The following CHST9 variants were observed in gnomAD, a reference collection of about 807,000 sequenced individuals.
CHST9 encodes carbohydrate sulfotransferase 9, also known as GalNAc-4-sulfotransferase 2.
CHST9 carries 41 observed loss-of-function variants against 44.4 expected under a neutral mutation model. That is an observed-to-expected ratio of 0.92 (90% confidence interval 0.72 to 1.20). The LOEUF is 1.20. Among genes scored for constraint, CHST9 ranks in the 50% most tolerant of loss-of-function variants. CHST9 has a pLI of 0.00. For synonymous variants in CHST9, 171 were observed against 178.4 expected (o/e 0.96, Z 0.33); for missense variants, 504 against 516.5 (o/e 0.98, Z 0.23).
chr18:27,006,919 A>G (rs1037695554), intron 4 of CHST9, among the ~76,000 whole-genome samples: 2 of 152,160 alleles, frequency 1.3e-5, no homozygotes, highest in African/African-American at 4.8e-5. Context: ...AAAGCAGGAG[A>G]GAGCACATAT....
At chr18:26,998,448 G>A (rs2056910522) in intron 4 of CHST9, among the ~76,000 whole-genome samples, 1 of 152,166 alleles carries the variant, frequency 6.6e-6, no homozygotes, top group Non-Finnish European at 1.5e-5. Context: ...AGATTGGGCT[G>A]GGTGCGATGG....
intron 2 of CHST9, among the ~76,000 whole-genome samples, chr18:27,096,019 T>C (rs988051804): frequency 6.6e-6 from 1 of 152,062 alleles, no homozygotes; most frequent in Non-Finnish European, 1.5e-5. Flanking sequence ...TACTCCAAGA[T>C]TGACCACATG....
At chr18:27,167,457 T>C (rs2058799564) in intron 1 of CHST9, among the ~76,000 whole-genome samples, 1 of 152,206 alleles carries the variant, frequency 6.6e-6, no homozygotes, top group African/African-American at 2.4e-5. Context: ...TTTCTGATTC[T>C]CAGTCCTAAA....
At chr18:27,072,343 T>G (rs552351632) in intron 2 of CHST9, among the ~76,000 whole-genome samples, 1 of 152,302 alleles carries the variant, frequency 6.6e-6, no homozygotes, top group Admixed American at 6.5e-5. Flanking sequence ...TTCAGGATGC[T>G]GTACAACCAG....
Position 26,917,135 on chromosome 18 carries a change from T to G in CHST9, c.456A>C (p.Pro152=). 1 of 1,613,958 alleles carries G rather than the reference T, an allele frequency of 6.2e-7. No homozygotes were observed. ...VFNKFSNMNW[P]VDIHPLNKSL... is the part of the protein sequence containing the mutation. ...TTTTGTTTAAAGGGTGAATGTCCACTGGCCAATTCATGTTGCTGAACTTGT... is the reference window on the plus strand; with the variant it reads ...TTTTGTTTAAAGGGTGAATGTCCACGGGCCAATTCATGTTGCTGAACTTGT... The change falls in exon 6 of 6, where the codon CCA becomes CCC. Residue 152 remains proline, a synonymous_variant. Coordinates refer to ENST00000618847, the MANE Select transcript of CHST9 (RefSeq NM_031422.6).
intron 2 of CHST9, among the ~76,000 whole-genome samples, chr18:27,070,968 G>GTACT (rs2057833077): frequency 1.3e-5 from 2 of 152,128 alleles, no homozygotes; most frequent in Admixed American, 6.5e-5. Context: ...TACCCCACAG[G>GTACT]GTCCTGTGGC....
chr18:27,014,496 A>T (rs2057125749), intron 4 of CHST9, among the ~76,000 whole-genome samples: 2 of 127,022 alleles, frequency 1.6e-5, no homozygotes, highest in South Asian at 5.0e-4. Flanking sequence ...AAAAAAAAGA[A>T]TTACAGATCT....
rs142771623 is a variant in CHST9 at position 27,144,675 on chromosome 18, C to T, written c.-96-1770G>A. On this transcript the variant is annotated intron_variant, in intron 1 of 5. Coordinates refer to ENST00000618847, the MANE Select transcript of CHST9 (RefSeq NM_031422.6). The stretch of plus-strand genomic sequence containing the variant: ...CTGCGCTTCAGCCTAGGCAACAGAG[C>T]GAGACTCTGTCTCAAATAAATAGAT... Among the ~76,000 whole-genome samples the T allele has an allele frequency of 4.1e-3, 616 of 151,838 alleles. 4 individuals are homozygous for T. Among genetic ancestry groups the T allele is most frequent in the Non-Finnish European group, 6.9e-3 (468 of 67,940 alleles).
chr18:27,100,237 A>G (rs981194027), intron 2 of CHST9, among the ~76,000 whole-genome samples: 1 of 152,132 alleles, frequency 6.6e-6, no homozygotes, highest in African/African-American at 2.4e-5. Context: ...TAGGACAACA[A>G]TTGTGACTGG....
At chr18:26,917,568 G>A (rs1028577155) in intron 5 of CHST9, among the ~76,000 whole-genome samples, 1 of 152,164 alleles carries the variant, frequency 6.6e-6, no homozygotes, top group African/African-American at 2.4e-5. Flanking sequence ...GGATAGGGAG[G>A]AAAGAGCCCT....
At chr18:26,950,481 T>A (rs1283663985) in intron 4 of CHST9, among the ~76,000 whole-genome samples, 1 of 152,088 alleles carries the variant, frequency 6.6e-6, no homozygotes, top group Non-Finnish European at 1.5e-5. Context: ...TAAATGCCCA[T>A]CAACCAGTAA....
At chr18:26,985,726 G>A (rs539379789) in intron 4 of CHST9, among the ~76,000 whole-genome samples, 187 of 152,292 alleles carry the variant, frequency 1.2e-3, no homozygotes, top group Non-Finnish European at 2.1e-3. Context: ...ATGACCCAAG[G>A]CAGGGAAAGA....
chr18:27,124,360 G>A (rs1007655718), intron 2 of CHST9, among the ~76,000 whole-genome samples: 1 of 152,196 alleles, frequency 6.6e-6, no homozygotes, highest in Admixed American at 6.5e-5. Context: ...CTGCCTACCT[G>A]TTGCTGTGAA....
chr18:27,164,499 T>C (rs1260400294), intron 1 of CHST9, among the ~76,000 whole-genome samples: 3 of 151,860 alleles, frequency 2.0e-5, no homozygotes, highest in Non-Finnish European at 4.4e-5. Context: ...ATCTAAGTAA[T>C]AGGAATTTCA....
chr18:26,939,011 A>C (rs2145105377), intron 5 of CHST9, among the ~76,000 whole-genome samples: 2 of 152,366 alleles, frequency 1.3e-5, no homozygotes, highest in Middle Eastern at 6.8e-3. Flanking sequence ...ACATTCTGCC[A>C]GCAGTTGATC....
At chr18:27,066,459 T>C (rs1332004864) in intron 2 of CHST9, among the ~76,000 whole-genome samples, 1 of 152,252 alleles carries the variant, frequency 6.6e-6, no homozygotes, top group African/African-American at 2.4e-5. Context: ...GATTCTGTTT[T>C]TTAAATTTAT....
chr18:26,936,273 A>G lies in CHST9; in HGVS notation c.240+8056T>C, dbSNP rs536336885. The G allele has an allele frequency of 2.0e-5, 3 of 152,298 alleles. No homozygotes were observed. The South Asian group carries it at 6.2e-4, about 32-fold the overall frequency. The allele number at this position is 152,298 out of a possible 1,614,324, so 9.4% of individuals were successfully genotyped here. On this transcript the variant is annotated intron_variant, in intron 5 of 5. Coordinates refer to ENST00000618847, the MANE Select transcript of CHST9 (RefSeq NM_031422.6). ...GACTACTCGAATACTTCTTTTGCAT[A>G]TCGCCAGAAAATATCAAGTTTTCAT... is the stretch of plus-strand genomic sequence containing the variant.
chr18:26,969,360 TTCTCTCTCTC>T (rs139727723), intron 4 of CHST9, among the ~76,000 whole-genome samples: 1 of 128,692 alleles, frequency 7.8e-6, no homozygotes, highest in Admixed American at 8.4e-5. Flanking sequence ...CCTTTTTTGA[TTCTCTCTCTC>T]TCTCTCTGTG....
chr18:27,036,799 C>A (rs905778621), intron 3 of CHST9, among the ~76,000 whole-genome samples: 62 of 152,152 alleles, frequency 4.1e-4, no homozygotes, highest in African/African-American at 1.4e-3. Context: ...ATGGTAAGAA[C>A]GCAACATGAG....
Sources: allele counts gnomAD v4.1 joint callset (sites outside exome capture counted in the v4.1 genomes callset), GRCh38; gene constraint gnomAD v4.1.1; transcripts MANE v1.5; gene names NCBI Gene and HGNC (gene_info 2026-07-23, HGNC 2026-07-21).